The following LEPR variants were observed in gnomAD, a reference collection of about 807,000 sequenced individuals.
LEPR encodes OB receptor.
LEPR carries 56 observed loss-of-function variants against 114.7 expected under a neutral mutation model. That is an observed-to-expected ratio of 0.49 (90% CI 0.39 to 0.61). The LOEUF (loss-of-function observed/expected upper bound fraction) is 0.61, where lower values mean the gene tolerates loss of function less well. Ranked by LOEUF, LEPR falls within the 20% of genes least tolerant of loss-of-function variation. The pLI is 0.00. For synonymous variants in LEPR, 443 were observed against 461.4 expected, an observed-to-expected ratio of 0.96 and a Z score of 0.51; for missense variants, 1,202 against 1,352.9, an observed-to-expected ratio of 0.89 and a Z score of 1.75.
intron 2 of LEPR, among the ~76,000 whole-genome samples, chr1:65,483,579 TC>T (rs773750885): frequency 1.3e-5 from 2 of 152,154 alleles, no homozygotes; most frequent in African/African-American, 2.4e-5. Flanking sequence ...AAAATCAAAG[TC>T]CTTAAAATGC....
intron 2 of LEPR, among the ~76,000 whole-genome samples, chr1:65,440,824 G>A (rs186774238): frequency 1.1e-4 from 17 of 152,252 alleles, no homozygotes; most frequent in African/African-American, 3.9e-4. Context: ...TGTTTTATTC[G>A]GATTGCTCTA....
chr1:65,636,133 C>A (rs1348604849), intron 19 of LEPR, 58 bp from the exon 20 acceptor site: 2 of 1,600,822 alleles, frequency 1.2e-6, no homozygotes, highest in Non-Finnish European at 1.7e-6. Flanking sequence ...GCCAGTATGA[C>A]ATAATGAAGC....
At chr1:65,632,670 A>G (rs1658571902) in intron 19 of LEPR, among the ~76,000 whole-genome samples, 1 of 152,144 alleles carries the variant, frequency 6.6e-6, no homozygotes, top group South Asian at 2.1e-4. Flanking sequence ...ATAATTTCTG[A>G]GATCTTATTT....
intron 10 of LEPR, among the ~76,000 whole-genome samples, chr1:65,603,295 C>A (rs1656573874): frequency 6.6e-6 from 1 of 152,054 alleles, no homozygotes; most frequent in East Asian, 1.9e-4. Context: ...TTATTTTCTA[C>A]CCCCAGATGA....
At chr1:65,466,334 AGAAGGTTGAATATTGGC>A (rs1368937941) in intron 2 of LEPR, among the ~76,000 whole-genome samples, 3 of 152,142 alleles carry the variant, frequency 2.0e-5, no homozygotes, top group Non-Finnish European at 4.4e-5. Flanking sequence ...CTTTTCTTTA[AGAAGGTTGAATATTGGC>A]CCCCACTCTC....
chr1:65,624,869 G>T (rs2101020557), intron 19 of LEPR, among the ~76,000 whole-genome samples: 1 of 152,252 alleles, frequency 6.6e-6, no homozygotes, highest in South Asian at 2.1e-4. Context: ...GAGAAAGAAT[G>T]CCCTGTCTTC....
chr1:65,449,281 TG>T (rs1646751244), intron 2 of LEPR, among the ~76,000 whole-genome samples: 1 of 144,510 alleles, frequency 6.9e-6, no homozygotes, highest in Non-Finnish European at 1.5e-5. Flanking sequence ...TTTTTTTTGC[TG>T]AGGTTTTATT....
chr1:65,425,428 C>A, intron 2 of LEPR, 50 bp downstream of exon 2: 2 of 1,496,654 alleles, frequency 1.3e-6, no homozygotes, highest in South Asian at 1.2e-5. Flanking sequence ...GTCTTTGTCA[C>A]TATTAGTATG....
At chr1:65,622,543 A>G (rs979378517) in intron 18 of LEPR, among the ~76,000 whole-genome samples, 1 of 152,188 alleles carries the variant, frequency 6.6e-6, no homozygotes, top group Admixed American at 6.5e-5. Context: ...TAGAATCTGA[A>G]TTTATCTTGT....
At chr1:65,502,757 G>T (rs1334745830) in intron 2 of LEPR, among the ~76,000 whole-genome samples, 1 of 151,952 alleles carries the variant, frequency 6.6e-6, no homozygotes, top group Non-Finnish European at 1.5e-5. Context: ...GGTTTAGGAA[G>T]TAGCAAGTTC....
chr1:65,464,117 A>C (rs1323838709), intron 2 of LEPR, among the ~76,000 whole-genome samples: 2 of 152,154 alleles, frequency 1.3e-5, no homozygotes, highest in African/African-American at 4.8e-5. Flanking sequence ...TTCAAAGGGA[A>C]TGCTTCCAGT....
chr1:65,470,925 A>C (rs1470527398), intron 2 of LEPR, among the ~76,000 whole-genome samples: 1 of 152,208 alleles, frequency 6.6e-6, no homozygotes, highest in African/African-American at 2.4e-5. Context: ...ATTTGGGAGC[A>C]GTAAAGTGGG....
chr1:65,590,608 A>G (rs924241098), intron 5 of LEPR, among the ~76,000 whole-genome samples: 1 of 108,642 alleles, frequency 9.2e-6, no homozygotes, highest in Non-Finnish European at 1.9e-5. Flanking sequence ...TCCTTCCACC[A>G]TGATTCTAAG....
rs556622493 is a variant in LEPR, at chr1:65,524,467, C to T, written c.-20-41079C>T. ...AAGTGCTATTCAAAAAAGTGACACT[C>T]GTTCTGAGAGGCGATTCCTATGAAG... On this transcript the variant is annotated intron_variant, in intron 2 of 19. Coordinates refer to ENST00000349533, the MANE Select transcript of LEPR (RefSeq NM_002303.6). 2.6e-5 allele frequency among the ~76,000 whole-genome samples: 4 copies of T among 152,292 alleles called. No homozygotes were observed. The East Asian group carries it at 5.8e-4, about 22-fold the overall frequency.
At chr1:65,585,485 A>G (rs1330059851) in intron 5 of LEPR, among the ~76,000 whole-genome samples, 1 of 152,052 alleles carries the variant, frequency 6.6e-6, no homozygotes, top group Non-Finnish European at 1.5e-5. Flanking sequence ...TGAAATTCCA[A>G]TACTAAAGAA....
At chr1:65,543,226 T>C (rs1483778379) in intron 2 of LEPR, among the ~76,000 whole-genome samples, 4 of 152,084 alleles carry the variant, frequency 2.6e-5, no homozygotes, top group Admixed American at 1.3e-4. Context: ...TGATGAGCTT[T>C]TTTTTCATAT....
intron 2 of LEPR, among the ~76,000 whole-genome samples, chr1:65,492,813 C>CT (rs559527193): frequency 0.17 from 24,099 of 140,890 alleles, 2,076 homozygotes; most frequent in Middle Eastern, 0.3. Flanking sequence ...ATTCATCCAT[C>CT]TTTTTTTTTT....
In LEPR at chr1:65,615,990, T is replaced by C. The variant is rs1282648108; in HGVS notation, c.1996-18T>C. ...GCACTGCAGCCCTTAAACTAATCAA[T>C]TTCTATATTTACTACAGCCCCTGAT... On this transcript the variant is annotated intron_variant, in intron 14 of 19. Transcript: ENST00000349533. 1.2e-6 allele frequency: 2 copies of C among 1,613,974 alleles called. No homozygotes were observed. Among genetic ancestry groups the C allele is most frequent in the Non-Finnish European group, 1.7e-6 (2 of 1,179,942 alleles).
intron 2 of LEPR, among the ~76,000 whole-genome samples, chr1:65,482,410 G>A (rs768341347): frequency 2.0e-5 from 3 of 151,976 alleles, no homozygotes; most frequent in Non-Finnish European, 4.4e-5. Context: ...ATGACTTGAG[G>A]GTCTGAGAAT....
Sources: allele counts gnomAD v4.1 joint callset (sites outside exome capture counted in the v4.1 genomes callset), GRCh38; gene constraint gnomAD v4.1.1; transcripts MANE v1.5; gene names NCBI Gene and HGNC (gene_info 2026-07-23, HGNC 2026-07-21).